KDM4C: variants seen among roughly 807,000 people sequenced by gnomAD.
KDM4C encodes the protein lysine demethylase 4C, also known as lysine-specific demethylase 4C.
Under a neutral mutation model 129.3 loss-of-function variants are expected in KDM4C, and 81 were observed. The ratio of observed to expected loss-of-function variants is 0.63; its 90% CI spans 0.52 to 0.75. The LOEUF is 0.75. Among genes scored for constraint, KDM4C ranks in the 30% least tolerant of loss-of-function variants. KDM4C has a pLI of 0.00. For synonymous variants in KDM4C, 573 were observed against 456.1 expected (o/e 1.26, Z -3.26); for missense variants, 1,457 against 1,304.0 (o/e 1.12, Z -1.81).
chr9:6,875,855 A>T (rs563198954), intron 5 of KDM4C, among the ~76,000 whole-genome samples: 1 of 152,276 alleles, frequency 6.6e-6, no homozygotes, highest in East Asian at 1.9e-4. Flanking sequence ...CTATCTCCTG[A>T]ATTGAATTAG....
chr9:7,133,494 C>T (rs1840863055), intron 19 of KDM4C, among the ~76,000 whole-genome samples: 1 of 152,120 alleles, frequency 6.6e-6, no homozygotes, highest in African/African-American at 2.4e-5. Context: ...TGTAACAAAC[C>T]CTGCTCCAGA....
At chr9:6,908,423 G>A (rs1818707372) in intron 8 of KDM4C, among the ~76,000 whole-genome samples, 1 of 152,206 alleles carries the variant, frequency 6.6e-6, no homozygotes, top group African/African-American at 2.4e-5. Flanking sequence ...GGCCTTACAA[G>A]CTGACAAGTA....
At position 7,098,858 on chromosome 9, in the gene KDM4C, A is replaced by C. The variant is rs60445319; in HGVS notation, c.2425-4827A>C. On this transcript the variant is annotated intron_variant, in intron 17 of 21. Transcript: ENST00000381309. ...GTATTGACACATGAGTGATTGACTTAATGAATAATAATGAGCAGAACATAA... is the reference window on the plus strand; with the variant it reads ...GTATTGACACATGAGTGATTGACTTCATGAATAATAATGAGCAGAACATAA... 6.3e-3 allele frequency among the ~76,000 whole-genome samples: 952 copies of C among 152,308 alleles called. 11 individuals are homozygous for C. The highest frequency in any genetic ancestry group is 0.021 in the African/African-American group (892 of 41,566).
At chr9:6,747,232 A>T (rs1465607955) in intron 1 of KDM4C, among the ~76,000 whole-genome samples, 2 of 151,410 alleles carry the variant, frequency 1.3e-5, no homozygotes, top group African/African-American at 4.9e-5. Flanking sequence ...CAACCAAAGA[A>T]CCTGAGAACA....
intron 16 of KDM4C, among the ~76,000 whole-genome samples, chr9:7,048,161 G>T (rs560431244): frequency 2.0e-5 from 3 of 152,140 alleles, no homozygotes; most frequent in Admixed American, 6.6e-5. Context: ...GGTTTAGGTG[G>T]TTCCTGTAAA....
chr9:6,849,527 A>G lies in KDM4C; in HGVS notation c.456A>G (p.Ile152Met). Residue 152 changes from isoleucine (I) to methionine (M), a missense_variant, in exon 5 of 22, where the codon ATA becomes ATG. Coordinates refer to ENST00000381309, the MANE Select transcript of KDM4C (RefSeq NM_015061.6). ...IYDEGVDEWNIARLNTVLDVV... is the reference protein window; with the variant it reads ...IYDEGVDEWNMARLNTVLDVV... ...TCCAGGGTGTGGATGAATGGAACAT[A>G]GCTCGCCTCAATACAGTCTTGGATG... 1 of 1,596,698 alleles carries G rather than the reference A, an allele frequency of 6.3e-7. No homozygotes were observed. Among genetic ancestry groups the G allele is most frequent in the Non-Finnish European group, 8.6e-7 (1 of 1,167,488 alleles).
chr9:6,804,279 T>C (rs1829558769), intron 2 of KDM4C, among the ~76,000 whole-genome samples: 1 of 152,210 alleles, frequency 6.6e-6, no homozygotes, highest in African/African-American at 2.4e-5. Context: ...AGTGCACATC[T>C]CTTCCCAGCT....
At chr9:6,956,641 G>A (rs552147033) in intron 8 of KDM4C, among the ~76,000 whole-genome samples, 1 of 152,282 alleles carries the variant, frequency 6.6e-6, no homozygotes, top group East Asian at 1.9e-4. Context: ...GCTGACTTGA[G>A]TGGTTGTGAC....
Position 6,745,731 on chromosome 9 carries a change from C to T in KDM4C, c.49+24734C>T, listed in dbSNP as rs551741283. On this transcript the variant is annotated intron_variant, in intron 1 of 17. Transcript: ENST00000536108. ...TTGGCTCACTGCAACCTTTGCCTCA[C>T]GGGTTCAAGAGATTCTCCTGCCTCA... 6.6e-5 allele frequency among the ~76,000 whole-genome samples: 10 copies of T among 152,132 alleles called. No homozygotes were observed. In the South Asian group the frequency reaches 1.0e-3, roughly 16 times the overall value.
Position 6,945,571 on chromosome 9 carries a change from T to C in KDM4C, c.922-35354T>C, listed in dbSNP as rs149032010. 4.6e-3 allele frequency among the ~76,000 whole-genome samples: 694 copies of C among 152,298 alleles called. 5 individuals carry two copies. The highest frequency in any genetic ancestry group is 0.016 in the African/African-American group (655 of 41,572). Reference sequence around the variant, plus strand: ...AGGATCTACTTGAGAAAATTAAAGATGGGGCTACTAAATTTATAATCTGAG... The same window carrying C: ...AGGATCTACTTGAGAAAATTAAAGACGGGGCTACTAAATTTATAATCTGAG... On this transcript the variant is annotated intron_variant, in intron 8 of 21. Coordinates refer to ENST00000381309, the MANE Select transcript of KDM4C (RefSeq NM_015061.6).
At chr9:6,869,617 A>G (rs112348680) in intron 5 of KDM4C, among the ~76,000 whole-genome samples, 1,700 of 152,318 alleles carry the variant, frequency 0.011, 26 homozygotes, top group African/African-American at 0.039. Context: ...TGGAGCTGAC[A>G]TTGCCCTTCA....
chr9:6,744,782 G>A (rs1365298569), intron 1 of KDM4C, among the ~76,000 whole-genome samples: 1 of 152,022 alleles, frequency 6.6e-6, no homozygotes, highest in Non-Finnish European at 1.5e-5. Flanking sequence ...TGTGCTCCAG[G>A]GTTGTGGGGA....
chr9:6,783,075 G>A (rs1456918612), intron 1 of KDM4C, among the ~76,000 whole-genome samples: 1 of 152,156 alleles, frequency 6.6e-6, no homozygotes, highest in Non-Finnish European at 1.5e-5. Context: ...TGGTGTGTAG[G>A]AGATGCTTTC....
intron 5 of KDM4C, among the ~76,000 whole-genome samples, chr9:6,858,644 G>A (rs1370499461): frequency 6.6e-6 from 1 of 151,972 alleles, no homozygotes; most frequent in African/African-American, 2.4e-5. Flanking sequence ...GTGGTGACGT[G>A]CGCCTGTAAT....
chr9:6,779,889 G>A (rs527308938), intron 1 of KDM4C, among the ~76,000 whole-genome samples: 80 of 152,174 alleles, frequency 5.3e-4, no homozygotes, highest in African/African-American at 1.9e-3. Flanking sequence ...CTAATAATTG[G>A]TTCATTGGTG....
rs1385125163 is a variant in KDM4C at position 6,884,248 on chromosome 9, C to A, written c.680-3712C>A. On this transcript the variant is annotated intron_variant, in intron 6 of 21. Coordinates refer to ENST00000381309, the MANE Select transcript of KDM4C (RefSeq NM_015061.6). ...TAACCACTCCGTGAACGTTAGCAAG[C>A]ACCAAGAGGCCAAATGTAATATGTG... 1.3e-5 allele frequency among the ~76,000 whole-genome samples: 2 copies of A among 152,158 alleles called. 1 individual carries two copies. The highest frequency in any genetic ancestry group is 4.8e-5 in the African/African-American group (2 of 41,436).
intron 1 of KDM4C, among the ~76,000 whole-genome samples, chr9:6,782,044 C>T (rs368591338): frequency 1.5e-4 from 23 of 152,028 alleles, no homozygotes; most frequent in African/African-American, 4.1e-4. Flanking sequence ...CGGCTGGTCT[C>T]GAACTCCTGA....
chr9:6,852,745 A>C (rs757516560), intron 5 of KDM4C, among the ~76,000 whole-genome samples: 6 of 151,742 alleles, frequency 4.0e-5, no homozygotes, highest in Non-Finnish European at 7.4e-5. Flanking sequence ...CTTGAATTCT[A>C]CCTCCAGGTA....
At chr9:6,944,225 T>TTGA (rs2131425238) in intron 8 of KDM4C, among the ~76,000 whole-genome samples, 1 of 152,348 alleles carries the variant, frequency 6.6e-6, no homozygotes, top group East Asian at 1.9e-4. Context: ...ATCCTTGCAT[T>TTGA]TGAACTTATG....
Sources: allele counts gnomAD v4.1 joint callset (sites outside exome capture counted in the v4.1 genomes callset), GRCh38; gene constraint gnomAD v4.1.1; transcripts MANE v1.5; gene names NCBI Gene and HGNC (gene_info 2026-07-23, HGNC 2026-07-21).